The following DPP10 variants were observed in gnomAD, a reference collection of about 807,000 sequenced individuals.
DPP10 encodes inactive dipeptidyl peptidase 10.
Under a neutral mutation model 120.9 loss-of-function variants are expected in DPP10, and 33 were observed. That is an observed-to-expected ratio of 0.27 (90% CI 0.21 to 0.37). The LOEUF (loss-of-function observed/expected upper bound fraction) is 0.37, where lower values mean the gene tolerates loss of function less well. DPP10 is among the 10% of genes least tolerant of loss of function. DPP10 has a pLI of 1.00. For synonymous variants in DPP10, 337 were observed against 326.1 expected (o/e 1.03, Z -0.36); for missense variants, 816 against 942.8 (o/e 0.87, Z 1.76).
At chr2:114,788,737 G>A (rs1010929332) in intron 1 of DPP10, among the ~76,000 whole-genome samples, 4 of 152,064 alleles carry the variant, frequency 2.6e-5, no homozygotes, top group Admixed American at 6.6e-5. Context: ...AATTTTGGCC[G>A]ATCTTTTAGG....
intron 3 of DPP10, among the ~76,000 whole-genome samples, chr2:115,381,724 G>A (rs982625608): frequency 6.6e-6 from 1 of 152,106 alleles, no homozygotes; most frequent in Non-Finnish European, 1.5e-5. Context: ...TCTACAGGTG[G>A]GTTTTTGGTG....
intron 7 of DPP10, among the ~76,000 whole-genome samples, chr2:115,696,383 C>T (rs2091590284): frequency 6.6e-6 from 1 of 152,120 alleles, no homozygotes; most frequent in African/African-American, 2.4e-5. Context: ...TCACATACAA[C>T]ATATCCTTAT....
chr2:115,281,735 T>C (rs1475497289), intron 1 of DPP10, among the ~76,000 whole-genome samples: 1 of 152,120 alleles, frequency 6.6e-6, no homozygotes, highest in African/African-American at 2.4e-5. Context: ...GTAAGAGCCA[T>C]AGGATATAAA....
At chr2:114,576,942 A>G (rs1195646002) in intron 1 of DPP10, among the ~76,000 whole-genome samples, 1 of 152,160 alleles carries the variant, frequency 6.6e-6, no homozygotes, top group Non-Finnish European at 1.5e-5. Context: ...GTTTTAGACA[A>G]GAGGAAGGCA....
intron 5 of DPP10, among the ~76,000 whole-genome samples, chr2:115,671,834 T>C (rs2089900041): frequency 6.6e-6 from 1 of 152,182 alleles, no homozygotes. Flanking sequence ...GACCAGCAGC[T>C]TTGTGAGAAT....
chr2:114,480,198 A>C (rs1184418144), intron 1 of DPP10, among the ~76,000 whole-genome samples: 1 of 151,234 alleles, frequency 6.6e-6, no homozygotes, highest in African/African-American at 2.4e-5. Context: ...TTAAAAAGTC[A>C]GGAAACAACA....
chr2:114,742,179 A>T (rs943090251), intron 1 of DPP10, among the ~76,000 whole-genome samples: 2 of 152,260 alleles, frequency 1.3e-5, no homozygotes, highest in African/African-American at 2.4e-5. Context: ...TTGCAAAGAA[A>T]CATATAAAAC....
At chr2:115,753,364 A>G (rs1319957989) in intron 11 of DPP10, 67 bp downstream of exon 11, 17 of 1,447,798 alleles carry the variant, frequency 1.2e-5, no homozygotes, top group Non-Finnish European at 1.6e-5. Context: ...CAAAGGGGAA[A>G]CAGGAAATGC....
intron 3 of DPP10, among the ~76,000 whole-genome samples, chr2:115,357,298 G>C (rs1185901371): frequency 3.9e-5 from 6 of 152,210 alleles, no homozygotes; most frequent in Non-Finnish European, 5.9e-5. Flanking sequence ...AGATACAATG[G>C]AGGTACAGGC....
rs533102230 is a variant in DPP10 at position 114,608,310 on chromosome 2, A to G, written c.60+165472A>G. ...TGACATACTTACCACTAACCCACCAAGTACAGATTTGTTCTCCAAATTCAG... is the reference window on the plus strand; with the variant it reads ...TGACATACTTACCACTAACCCACCAGGTACAGATTTGTTCTCCAAATTCAG... On this transcript the variant is annotated intron_variant, in intron 1 of 25. Transcript: ENST00000410059. 7.2e-5 allele frequency among the ~76,000 whole-genome samples: 11 copies of G among 152,308 alleles called. No homozygotes were observed. In the South Asian group the frequency reaches 2.1e-3, roughly 29 times the overall value.
intron 3 of DPP10, among the ~76,000 whole-genome samples, chr2:115,409,682 C>T (rs1037781700): frequency 1.3e-5 from 2 of 152,048 alleles, no homozygotes; most frequent in Non-Finnish European, 2.9e-5. Context: ...GAGGAAAAAC[C>T]GTCATTAAAT....
chr2:115,112,091 C>T (rs1413793813), intron 1 of DPP10, among the ~76,000 whole-genome samples: 1 of 152,132 alleles, frequency 6.6e-6, no homozygotes, highest in Non-Finnish European at 1.5e-5. Context: ...TGTGCCTTCC[C>T]TTCTCTGAAG....
At chr2:115,748,827 A>G (rs949890037) in intron 10 of DPP10, among the ~76,000 whole-genome samples, 6 of 152,204 alleles carry the variant, frequency 3.9e-5, no homozygotes, top group Non-Finnish European at 2.9e-5. Flanking sequence ...ACAGAAAGAC[A>G]TAATTTCTTC....
intron 1 of DPP10, among the ~76,000 whole-genome samples, chr2:114,821,548 A>G (rs987378766): frequency 6.6e-6 from 1 of 152,194 alleles, no homozygotes; most frequent in Non-Finnish European, 1.5e-5. Flanking sequence ...ACAGTCCCAC[A>G]AAGTCTTAAG....
chr2:114,771,781 T>C (rs17786162), intron 1 of DPP10, among the ~76,000 whole-genome samples: 6,395 of 152,268 alleles, frequency 0.042, 174 homozygotes, highest in South Asian at 0.11. Flanking sequence ...CAGTCTGATT[T>C]GAGGCTAAGA....
intron 1 of DPP10, among the ~76,000 whole-genome samples, chr2:114,818,480 G>A (rs1302657920): frequency 6.6e-6 from 1 of 152,182 alleles, no homozygotes; most frequent in Non-Finnish European, 1.5e-5. Flanking sequence ...GTGGCTGCAC[G>A]AAAGAAGGAA....
intron 1 of DPP10, among the ~76,000 whole-genome samples, chr2:114,963,994 G>A (rs1698831239): frequency 6.6e-6 from 1 of 152,140 alleles, no homozygotes. Context: ...GTTCTTTATG[G>A]TTGAAGAAGT....
intron 1 of DPP10, among the ~76,000 whole-genome samples, chr2:115,226,319 T>C (rs971166979): frequency 2.6e-5 from 4 of 152,154 alleles, no homozygotes; most frequent in Non-Finnish European, 5.9e-5. Context: ...GTTGTACGTG[T>C]GAGTAAATGT....
intron 5 of DPP10, among the ~76,000 whole-genome samples, chr2:115,657,007 A>G (rs1169383820): frequency 6.6e-6 from 1 of 151,674 alleles, no homozygotes; most frequent in East Asian, 1.9e-4. Context: ...TAGTATCTAT[A>G]TTAATAAGAC....
Sources: gnomAD v4.1 joint callset for allele counts (sites outside exome capture counted in the v4.1 genomes callset) on GRCh38, gnomAD v4.1.1 for gene constraint, MANE v1.5 for transcripts, NCBI Gene and HGNC (gene_info 2026-07-23, HGNC 2026-07-21) for gene names.